Variants in OXR1 observed in about 807,000 individuals in gnomAD.
OXR1 encodes the protein oxidation resistance protein 1.
OXR1 carries 41 observed loss-of-function variants against 104.6 expected under a neutral mutation model. That is an observed-to-expected ratio of 0.39 (90% CI 0.31 to 0.51). OXR1 has a LOEUF of 0.51. Among genes scored for constraint, OXR1 ranks in the 20% least tolerant of loss-of-function variants. The pLI is 0.77. For missense variants in OXR1, 955 were observed against 1,031.9 expected, an observed-to-expected ratio of 0.93 and a Z score of 1.02; for synonymous variants, 348 against 348.4, an observed-to-expected ratio of 1.00 and a Z score of 0.01.
rs185063186 is a variant in OXR1 at position 106,586,533 on chromosome 8, T to C, written c.220+67394T>C. Among the ~76,000 whole-genome samples, 108 of 152,342 alleles carry C rather than the reference T, an allele frequency of 7.1e-4. 1 individual carries two copies. Among genetic ancestry groups the C allele is most frequent in the African/African-American group, 2.5e-3 (103 of 41,582 alleles). ...TGAGAAATGGAATAAACTAGCTGGCTATTTGAATGTGGAGTTTGGGGGAGA... is the reference window on the plus strand; with the variant it reads ...TGAGAAATGGAATAAACTAGCTGGCCATTTGAATGTGGAGTTTGGGGGAGA... On this transcript the variant is annotated intron_variant, in intron 3 of 16. Transcript: ENST00000517566.
chr8:106,333,270 A>G (rs7844569), intron 1 of OXR1, among the ~76,000 whole-genome samples: 47,807 of 151,882 alleles, frequency 0.31, 10,030 homozygotes, highest in African/African-American at 0.6. Context: ...ATATATGGAG[A>G]TTCAAGTTTC....
chr8:106,305,663 C>T (rs1439177105), intron 1 of OXR1, among the ~76,000 whole-genome samples: 1 of 152,130 alleles, frequency 6.6e-6, no homozygotes, highest in Non-Finnish European at 1.5e-5. Context: ...TCTGCAGTGG[C>T]TGCTTCTCAT....
At chr8:106,506,788 C>G (rs1338148702) in intron 2 of OXR1, among the ~76,000 whole-genome samples, 1 of 151,854 alleles carries the variant, frequency 6.6e-6, no homozygotes, top group African/African-American at 2.4e-5. Flanking sequence ...ATTTAGAGGT[C>G]GAATAGAAAA....
chr8:106,648,715 T>A (rs940354803), intron 3 of OXR1, among the ~76,000 whole-genome samples: 1 of 152,188 alleles, frequency 6.6e-6, no homozygotes, highest in African/African-American at 2.4e-5. Context: ...TTCCAGTGAG[T>A]TTTTAGCTCC....
chr8:106,342,069 G>C (rs1305162584), intron 1 of OXR1, among the ~76,000 whole-genome samples: 1 of 145,124 alleles, frequency 6.9e-6, no homozygotes, highest in Non-Finnish European at 1.5e-5. Flanking sequence ...TTTTTTTTTT[G>C]TTGTAGAGAT....
At chr8:106,507,691 C>T in intron 2 of OXR1, among the ~76,000 whole-genome samples, 1 of 152,158 alleles carries the variant, frequency 6.6e-6, no homozygotes, top group East Asian at 1.9e-4. Flanking sequence ...AGTGTTTGCG[C>T]TGGGTGAATG....
At chr8:106,750,296 A>G (rs1442883084) in intron 16 of OXR1, among the ~76,000 whole-genome samples, 1 of 151,226 alleles carries the variant, frequency 6.6e-6, no homozygotes, top group Non-Finnish European at 1.5e-5. Flanking sequence ...TCTGTATCAT[A>G]AATAATTTTT....
intron 2 of OXR1, among the ~76,000 whole-genome samples, chr8:106,418,926 G>A (rs1432160227): frequency 7.9e-6 from 1 of 126,148 alleles, no homozygotes. Context: ...TTAGCAATGA[G>A]CATATGTTAG....
intron 2 of OXR1, among the ~76,000 whole-genome samples, chr8:106,485,505 A>T (rs1408321320): frequency 6.6e-6 from 1 of 152,070 alleles, no homozygotes; most frequent in East Asian, 1.9e-4. Context: ...TATTCCATTG[A>T]TTAATCAAGC....
intron 3 of OXR1, among the ~76,000 whole-genome samples, chr8:106,630,997 A>G (rs1005633113): frequency 4.6e-5 from 7 of 152,202 alleles, no homozygotes; most frequent in Non-Finnish European, 1.0e-4. Flanking sequence ...ACTGGGCATG[A>G]AGATAATTGG....
rs143369401 is a variant in OXR1 at position 106,661,240 on chromosome 8, A to G, written c.221-17970A>G. Among the ~76,000 whole-genome samples, 759 of 152,242 alleles carry G rather than the reference A, an allele frequency of 5.0e-3. 26 individuals carry two copies. Among genetic ancestry groups the G allele is most frequent in the Admixed American group, 0.047 (725 of 15,290 alleles). On this transcript the variant is annotated intron_variant, in intron 3 of 16. Transcript: ENST00000517566. ...TGTTTCTGAGTTTACCCTTTCTATA[A>G]AGAAACCACTTACTGAACTGTTAAT...
chr8:106,382,942 A>C (rs146926494), intron 2 of OXR1, among the ~76,000 whole-genome samples: 1 of 151,012 alleles, frequency 6.6e-6, no homozygotes, highest in African/African-American at 2.4e-5. Flanking sequence ...GCCCTTAGCT[A>C]CTCTGATTTT....
rs1228364318 is a variant in OXR1 at position 106,703,086 on chromosome 8, C to T, written c.856C>T (p.Pro286Ser). 1.2e-6 allele frequency: 2 copies of T among 1,603,956 alleles called. No individual in the cohort carries two copies. Among genetic ancestry groups the T allele is most frequent in the East Asian group, 2.2e-5 (1 of 44,774 alleles). ...ILDSKIKESLPIDIDQLSGRD... is the reference protein window; with the variant it reads ...ILDSKIKESLSIDIDQLSGRD... Reference sequence around the variant, plus strand: ...GGATAGCAAAATAAAGGAATCTTTACCCATGTAAGAGTGATATTTATATTC... The same window carrying T: ...GGATAGCAAAATAAAGGAATCTTTATCCATGTAAGAGTGATATTTATATTC... Residue 286 changes from proline to serine, a missense_variant, in exon 8 of 17, where the codon CCC becomes TCC. Transcript: ENST00000517566.
chr8:106,722,562 A>G (rs1832909701), intron 11 of OXR1, among the ~76,000 whole-genome samples: 1 of 152,170 alleles, frequency 6.6e-6, no homozygotes, highest in Non-Finnish European at 1.5e-5. Flanking sequence ...ACATCATAGT[A>G]CAATGCATTA....
chr8:106,455,186 A>G (rs1433187256), intron 2 of OXR1, among the ~76,000 whole-genome samples: 1 of 152,228 alleles, frequency 6.6e-6, no homozygotes, highest in East Asian at 1.9e-4. Flanking sequence ...CATTTAACAA[A>G]GGATTTGTTA....
chr8:106,746,981 T>G (rs1033746613), intron 16 of OXR1, among the ~76,000 whole-genome samples: 12 of 152,180 alleles, frequency 7.9e-5, no homozygotes, highest in African/African-American at 2.9e-4. Flanking sequence ...CAACATGATT[T>G]CACCAAGCTA....
intron 2 of OXR1, among the ~76,000 whole-genome samples, chr8:106,512,194 C>T (rs1489501908): frequency 6.6e-6 from 1 of 152,106 alleles, no homozygotes; most frequent in African/African-American, 2.4e-5. Context: ...CCCAATTGCC[C>T]AAGGTCACAC....
chr8:106,306,470 A>C (rs1456629798), intron 1 of OXR1, among the ~76,000 whole-genome samples: 1 of 152,142 alleles, frequency 6.6e-6, no homozygotes, highest in Non-Finnish European at 1.5e-5. Flanking sequence ...TGTTTACAAA[A>C]ATAGCTGTTC....
chr8:106,470,487 G>A (rs192662490), intron 2 of OXR1, among the ~76,000 whole-genome samples: 234 of 151,814 alleles, frequency 1.5e-3, no homozygotes, highest in African/African-American at 5.2e-3. Context: ...AAAGACTGGG[G>A]GGTAGAATAG....
Sources: allele counts gnomAD v4.1 joint callset (sites outside exome capture counted in the v4.1 genomes callset), GRCh38; gene constraint gnomAD v4.1.1; transcripts MANE v1.5; gene names NCBI Gene and HGNC (gene_info 2026-07-23, HGNC 2026-07-21).